The following TNKS2 variants were observed in gnomAD, a reference collection of about 807,000 sequenced individuals.
TNKS2 encodes tankyrase 2.
A neutral mutation model predicts 137.6 loss-of-function variants in TNKS2; 72 were observed. The ratio of observed to expected loss-of-function variants is 0.52; its 90% confidence interval spans 0.43 to 0.64. The LOEUF is 0.64. Among genes scored for constraint, TNKS2 ranks in the 30% least tolerant of loss-of-function variants. The probability of loss-of-function intolerance (pLI) is 0.00; values close to 1 mark genes in which losing one functional copy is unlikely to be tolerated. For missense variants in TNKS2, 1,049 were observed against 1,410.2 expected (o/e 0.74, Z 4.10); for synonymous variants, 516 against 512.1 (o/e 1.01, Z -0.10).
chr10:91,830,254 G>A (rs1845199094), intron 9 of TNKS2, among the ~76,000 whole-genome samples: 1 of 152,110 alleles, frequency 6.6e-6, no homozygotes, highest in Non-Finnish European at 1.5e-5. Context: ...GTCTTGCTCT[G>A]TCGCCCACGC....
At chr10:91,849,299 A>G (rs1400636812) in intron 19 of TNKS2, among the ~76,000 whole-genome samples, 1 of 152,266 alleles carries the variant, frequency 6.6e-6, no homozygotes, top group Non-Finnish European at 1.5e-5. Context: ...ACAAAGTTTA[A>G]AATAAAAATG....
Position 91,828,269 on chromosome 10 carries a change from C to T in TNKS2, c.983-16C>T. 6.5e-7 allele frequency: 1 copy of T among 1,550,022 alleles called. No individual in the cohort carries two copies. The highest frequency in any genetic ancestry group is 8.7e-7 in the Non-Finnish European group (1 of 1,151,890). On this transcript the variant is annotated splice_polypyrimidine_tract_variant and intron_variant, in intron 8 of 26. Coordinates refer to ENST00000371627, the MANE Select transcript of TNKS2 (RefSeq NM_025235.4). ...TTTGAACTCGTTATACATGTAAATGCTTTTTCTTCATCTAGATGAATTTAA... is the reference window on the plus strand; with the variant it reads ...TTTGAACTCGTTATACATGTAAATGTTTTTTCTTCATCTAGATGAATTTAA...
At chr10:91,807,092 C>A (rs1196223078) in intron 1 of TNKS2, 49 of 1,455,790 alleles carry the variant, frequency 3.4e-5, no homozygotes, top group Non-Finnish European at 4.6e-5. Context: ...CACTTAGTTA[C>A]ATAAAGTACT....
intron 19 of TNKS2, among the ~76,000 whole-genome samples, chr10:91,849,081 C>G (rs1842466937): frequency 6.6e-6 from 1 of 152,250 alleles, no homozygotes; most frequent in Non-Finnish European, 1.5e-5. Flanking sequence ...AGGTGATCCA[C>G]CCGCCTCGGC....
intron 1 of TNKS2, chr10:91,807,561 T>A (rs1844366072): frequency 1.1e-6 from 1 of 883,712 alleles, no homozygotes; most frequent in South Asian, 1.4e-5. Context: ...TTAGCTTTAC[T>A]TCTCAGACTC....
At position 91,850,367 on chromosome 10, in the gene TNKS2, C is replaced by CAAAAAAA. The variant is rs1227362681; in HGVS notation, c.2694+784_2694+790dup. On this transcript the variant is annotated intron_variant, in intron 20 of 26. Transcript: ENST00000371627. ...TCGGCAACAGAGCAAGACTCGGTCT[C>CAAAAAAA]AAAAAAAAAAAAAAAAAGAACATAT... Among the ~76,000 whole-genome samples the CAAAAAAA allele has an allele frequency of 5.6e-5, 5 of 89,230 alleles. No homozygotes were observed. The East Asian group carries it at 1.5e-3, about 26-fold the overall frequency. 58.5% of individuals were successfully genotyped at this position (89,230 alleles called of 152,430 possible).
chr10:91,803,111 C>G (rs1329095065), intron 1 of TNKS2, among the ~76,000 whole-genome samples: 1 of 152,192 alleles, frequency 6.6e-6, no homozygotes, highest in Non-Finnish European at 1.5e-5. Context: ...TCTGGCCAGA[C>G]AGTATGTCTA....
intron 3 of TNKS2, among the ~76,000 whole-genome samples, chr10:91,818,536 G>A (rs1439304868): frequency 6.6e-6 from 1 of 152,014 alleles, no homozygotes; most frequent in East Asian, 1.9e-4. Flanking sequence ...GTGTGTATGT[G>A]TGTGCATGTG....
intron 1 of TNKS2, among the ~76,000 whole-genome samples, chr10:91,799,533 GT>G (rs1429768838): frequency 6.6e-6 from 1 of 152,208 alleles, no homozygotes; most frequent in East Asian, 1.9e-4. Flanking sequence ...GAAAGTGGTA[GT>G]ATAAGAGAAA....
chr10:91,848,064 G>T (rs2133665238), intron 18 of TNKS2, among the ~76,000 whole-genome samples: 1 of 152,186 alleles, frequency 6.6e-6, no homozygotes, highest in South Asian at 2.1e-4. Flanking sequence ...TCGGCTTTTG[G>T]ATATTTTTTT....
Position 91,855,092 on chromosome 10 carries a change from C to G in TNKS2, c.2879C>G (p.Pro960Arg), listed in dbSNP as rs1250671080. The G allele has an allele frequency of 1.9e-6, 3 of 1,611,780 alleles. No homozygotes were observed. Among genetic ancestry groups the G allele is most frequent in the Non-Finnish European group, 2.5e-6 (3 of 1,178,256 alleles). ...GGAACAATTCTTATAGATCTGTCTC[C>G]TGATGATAAAGAGTTTCAGTCTGTG... ...GSGTILIDLSPDDKEFQSVEE... is the reference protein window; with the variant it reads ...GSGTILIDLSRDDKEFQSVEE... The change falls in exon 22 of 27, where the codon CCT becomes CGT. Residue 960 changes from proline to arginine, a missense_variant. Transcript: ENST00000371627.
At chr10:91,808,370 C>T (rs968308411) in intron 1 of TNKS2, among the ~76,000 whole-genome samples, 2 of 151,884 alleles carry the variant, frequency 1.3e-5, no homozygotes, top group South Asian at 2.1e-4. Flanking sequence ...AGGGAAGAAT[C>T]GTGTGAAATG....
Position 91,851,331 on chromosome 10 carries a change from A to G in TNKS2, c.2810A>G (p.Gln937Arg), listed in dbSNP as rs1341402923. Residue 937 changes from glutamine to arginine, a missense_variant, in exon 21 of 27, where the codon CAA becomes CGA. Around this residue, in one of 6 missense-constraint regions of TNKS2, gnomAD observed 208 missense variants for 231.2 expected, o/e 0.90. Coordinates refer to ENST00000371627, the MANE Select transcript of TNKS2 (RefSeq NM_025235.4). ...IKGVERLISG[Q>R]QGLNPYLTLN... ...GGAGTCGAGAGACTTATCTCCGGAC[A>G]ACAAGGTATTTTATTTTAATAATTG... is the stretch of plus-strand genomic sequence containing the variant. 3 of 1,609,794 alleles carry G rather than the reference A, an allele frequency of 1.9e-6. No homozygotes were observed. Among genetic ancestry groups the G allele is most frequent in the Non-Finnish European group, 2.5e-6 (3 of 1,179,036 alleles).
chr10:91,840,317 G>T (rs76572593), intron 13 of TNKS2, among the ~76,000 whole-genome samples: 1 of 152,074 alleles, frequency 6.6e-6, no homozygotes, highest in East Asian at 1.9e-4. Context: ...CCCAGCCTGG[G>T]TAAGAGAGCT....
At chr10:91,807,435 G>C (rs1275301336) in intron 1 of TNKS2, 5 of 1,613,530 alleles carry the variant, frequency 3.1e-6, no homozygotes, top group Non-Finnish European at 4.2e-6. Context: ...CTGGTACTGC[G>C]GCATCGTGGC....
At position 91,798,556 on chromosome 10, in the gene TNKS2, C is replaced by A; in HGVS notation, c.-135C>A. 9.5e-7 allele frequency: 1 copy of A among 1,048,062 alleles called. No individual in the cohort carries two copies. The highest frequency in any genetic ancestry group is 1.2e-6 in the Non-Finnish European group (1 of 832,002). The allele number at this position is 1,048,062 out of a possible 1,614,324, so 64.9% of individuals were successfully genotyped here. A position where few individuals can be genotyped will look rare whatever the true frequency, so the allele number is the denominator to read the frequency against. On this transcript the variant is annotated 5_prime_UTR_variant, in exon 1 of 27. Transcript: ENST00000371627. Reference sequence around the variant, plus strand: ...GCGCGGCCATGGGACTGCGCCGGATCCGGTGACAGCAGGGAGCCAAGCGGC... The same window carrying A: ...GCGCGGCCATGGGACTGCGCCGGATACGGTGACAGCAGGGAGCCAAGCGGC...
At position 91,857,505 on chromosome 10, in the gene TNKS2, T is replaced by C. The variant is rs779239943; in HGVS notation, c.3069T>C (p.His1023=). 2 of 1,611,542 alleles carry C rather than the reference T, an allele frequency of 1.2e-6. No individual in the cohort carries two copies. The highest frequency in any genetic ancestry group is 2.2e-5 in the East Asian group (1 of 44,766). Residue 1023 remains histidine (H), a synonymous_variant, in exon 24 of 27, where the codon CAT becomes CAC. Coordinates refer to ENST00000371627, the MANE Select transcript of TNKS2 (RefSeq NM_025235.4). ...RKEVSEENHN[H]ANERMLFHGS... is the part of the protein sequence containing the mutation. ...AAGTTTCTGAAGAAAACCACAACCA[T>C]GCCAATGAACGAATGCTATTTCATG... is the stretch of plus-strand genomic sequence containing the variant.
intron 13 of TNKS2, among the ~76,000 whole-genome samples, chr10:91,837,976 A>G (rs1842081164): frequency 6.7e-6 from 1 of 148,322 alleles, no homozygotes; most frequent in African/African-American, 2.5e-5. Context: ...TTCAGTTAAA[A>G]GGTTGTGAAC....
intron 1 of TNKS2, among the ~76,000 whole-genome samples, chr10:91,800,613 T>C (rs1272494189): frequency 6.6e-6 from 1 of 152,130 alleles, no homozygotes; most frequent in Non-Finnish European, 1.5e-5. Flanking sequence ...ACTTAATATT[T>C]TGGAAACCAA....
Sources: gnomAD v4.1 joint callset for allele counts (sites outside exome capture counted in the v4.1 genomes callset) on GRCh38, gnomAD v4.1.1 for gene constraint, gnomAD v4.1.1 regional missense constraint, MANE v1.5 for transcripts, NCBI Gene and HGNC (gene_info 2026-07-23, HGNC 2026-07-21) for gene names.